The following LPIN3 variants were observed in gnomAD, a reference collection of about 807,000 sequenced individuals.
LPIN3 encodes phosphatidate phosphatase LPIN3.
Under a neutral mutation model 94.7 loss-of-function variants are expected in LPIN3, and 82 were observed. The observed-to-expected ratio is 0.87, with a 90% CI of 0.72 to 1.04. The LOEUF (loss-of-function observed/expected upper bound fraction) is 1.04, where lower values mean the gene tolerates loss of function less well. LPIN3 is among the 50% of genes least tolerant of loss of function. The probability of loss-of-function intolerance (pLI) is 0.00; values close to 1 mark genes in which losing one functional copy is unlikely to be tolerated. For synonymous variants in LPIN3, 418 were observed against 443.3 expected (o/e 0.94, Z 0.72); for missense variants, 996 against 1,090.5 (o/e 0.91, Z 1.22).
At chr20:41,351,430 G>A (rs62208471) in intron 7 of LPIN3, among the ~76,000 whole-genome samples, 2,473 of 151,132 alleles carry the variant, frequency 0.016, 33 homozygotes, top group Non-Finnish European at 0.025. Context: ...CTGAGTAGCT[G>A]GGACTACAGG....
chr20:41,352,631 T>G lies in LPIN3; in HGVS notation c.1389T>G (p.Ser463=). The change falls in exon 10 of 20, where the codon TCT becomes TCG. Residue 463 remains serine (S), a synonymous_variant. Coordinates refer to ENST00000373257, the MANE Select transcript of LPIN3 (RefSeq NM_022896.3). ...AGAAATTCAACCAGCACAGCGTCTCTTACCAGGACCTCACCAAAAACCCCG... is the reference window on the plus strand; with the variant it reads ...AGAAATTCAACCAGCACAGCGTCTCGTACCAGGACCTCACCAAAAACCCCG... The part of the protein sequence containing the change: ...SLEKFNQHSV[S]YQDLTKNPGL... The G allele has an allele frequency of 6.2e-7, 1 of 1,614,126 alleles. No individual in the cohort carries two copies. The highest frequency in any genetic ancestry group is 8.5e-7 in the Non-Finnish European group (1 of 1,179,986).
Position 41,357,974 on chromosome 20 carries a change from GT to G in LPIN3, c.2133del (p.Cys711Ter). 1 of 1,612,980 alleles carries G rather than the reference GT, an allele frequency of 6.2e-7. No individual in the cohort carries two copies. The highest frequency in any genetic ancestry group is 1.7e-4 in the Middle Eastern group (1 of 6,054). On this transcript the variant is annotated frameshift_variant, in exon 17 of 20. Transcript: ENST00000373257. LOFTEE classifies it high-confidence loss of function. ...CTGCAGTGGGTGAGCGAGGGGGGCTGTAGCCTCCCCAAGGGCCCCATCCTTC... is the reference window on the plus strand; with the variant it reads ...CTGCAGTGGGTGAGCGAGGGGGGCTGAGCCTCCCCAAGGGCCCCATCCTTC... ...GYLQWVSEGG[C>X]SLPKGPILLS...
intron 11 of LPIN3, among the ~76,000 whole-genome samples, 172 bp downstream of exon 11, chr20:41,353,039 C>A (rs2046084179): frequency 6.6e-6 from 1 of 152,242 alleles, no homozygotes; most frequent in African/African-American, 2.4e-5. Context: ...AGCCTTGCCT[C>A]ACCCTTCCCT....
chr20:41,346,748 TAAATAAATAAATAA>T (rs543280889), intron 2 of LPIN3, among the ~76,000 whole-genome samples: 47 of 152,100 alleles, frequency 3.1e-4, no homozygotes, highest in African/African-American at 1.1e-3. Flanking sequence ...TCTCAAAAAA[TAAATAAATAAATAA>T]AAATAAATAA....
At position 41,357,963 on chromosome 20, in the gene LPIN3, C is replaced by T. The variant is rs759511578; in HGVS notation, c.2121C>T (p.Ser707=). The stretch of plus-strand genomic sequence containing the variant: ...CCAAGGGGTACCTGCAGTGGGTGAG[C>T]GAGGGGGGCTGTAGCCTCCCCAAGG... The part of the protein sequence containing the change: ...DLTKGYLQWV[S]EGGCSLPKGP... The change falls in exon 17 of 20, where the codon AGC becomes AGT. Residue 707 remains serine (S), a synonymous_variant. Coordinates refer to ENST00000373257, the MANE Select transcript of LPIN3 (RefSeq NM_022896.3). 6.2e-7 allele frequency: 1 copy of T among 1,613,522 alleles called. No individual in the cohort carries two copies. Among genetic ancestry groups the T allele is most frequent in the East Asian group, 2.2e-5 (1 of 44,874 alleles).
Position 41,355,940 on chromosome 20 carries a change from G to A in LPIN3, c.1709G>A (p.Ser570Asn), listed in dbSNP as rs1450466506. 1 of 1,614,134 alleles carries A rather than the reference G, an allele frequency of 6.2e-7. No homozygotes were observed. Among genetic ancestry groups the A allele is most frequent in the Non-Finnish European group, 8.5e-7 (1 of 1,180,008 alleles). The change falls in exon 14 of 20, where the codon AGC (serine) becomes AAC (asparagine). Residue 570 changes from serine to asparagine, a missense_variant. Coordinates refer to ENST00000373257, the MANE Select transcript of LPIN3 (RefSeq NM_022896.3). ...AGCAGTGATGACGATGCCCCAGACAGCCCTGTGATCCTGGAGATCCCCTCC... is the reference window on the plus strand; with the variant it reads ...AGCAGTGATGACGATGCCCCAGACAACCCTGTGATCCTGGAGATCCCCTCC... ...VLSSDDDAPD[S>N]PVILEIPSLP... is the part of the protein sequence containing the mutation.
chr20:41,351,196 C>T (rs892917822), intron 7 of LPIN3, among the ~76,000 whole-genome samples: 3 of 151,254 alleles, frequency 2.0e-5, no homozygotes, highest in Non-Finnish European at 2.9e-5. Context: ...AAGGCTGCAG[C>T]GAGCTATGAT....
chr20:41,352,352 C>T, intron 9 of LPIN3, 132 bp downstream of exon 9: 1 of 1,077,156 alleles, frequency 9.3e-7, no homozygotes. Flanking sequence ...CTGCCCTGTG[C>T]AGTCCACACT....
At chr20:41,357,598 A>C (rs2046258507) in intron 16 of LPIN3, 151 bp downstream of exon 16, 2 of 748,928 alleles carry the variant, frequency 2.7e-6, no homozygotes, top group Admixed American at 2.7e-5. Flanking sequence ...ATTGGCCCGC[A>C]GTTCTGGGAA....
At chr20:41,347,469 C>A in intron 2 of LPIN3, 83 bp from the exon 3 acceptor site, 2 of 1,314,642 alleles carry the variant, frequency 1.5e-6, no homozygotes, top group South Asian at 1.2e-5. Flanking sequence ...CGGCAAGGAG[C>A]CACTGGAGGA....
intron 13 of LPIN3, 108 bp from the exon 14 acceptor site, chr20:41,355,788 G>T: frequency 7.0e-7 from 1 of 1,429,600 alleles, no homozygotes; most frequent in South Asian, 1.3e-5. Context: ...CTGATACCCT[G>T]GGTAGGCCCT....
chr20:41,349,921 CCCGG>C lies in LPIN3; in HGVS notation c.759+30_759+33del, dbSNP rs778951315. The C allele has an allele frequency of 6.9e-6, 11 of 1,598,236 alleles. No individual in the cohort carries two copies. In the East Asian group the frequency reaches 2.0e-4, roughly 29 times the overall value. On this transcript the variant is annotated intron_variant, in intron 6 of 19. Coordinates refer to ENST00000373257, the MANE Select transcript of LPIN3 (RefSeq NM_022896.3). The stretch of plus-strand genomic sequence containing the variant: ...TGAGTCCCTCTGTATCAACCCCAGG[CCCGG>C]CCTTTCAGGGGCTCTGTGGCCCCCA...
At position 41,345,984 on chromosome 20, in the gene LPIN3, C is replaced by T. The variant is rs41277016; in HGVS notation, c.181C>T (p.Arg61Trp). 0.023 allele frequency: 36,700 copies of T among 1,613,252 alleles called. 556 individuals carry two copies. The highest frequency in any genetic ancestry group is 0.048 in the African/African-American group (3,590 of 75,028). The change falls in exon 2 of 20, where the codon CGG (arginine) becomes TGG (tryptophan). Residue 61 changes from arginine (R) to tryptophan (W), a missense_variant. Transcript: ENST00000373257. ...TGGCAAGCTGGGCGTCCTGCGGTCG[C>T]GGGAGAAGGTGGTGAGTGCTCAGGC... ...RFGKLGVLRS[R>W]EKVVDIELNG...
Position 41,358,015 on chromosome 20 carries a change from C to T in LPIN3, c.2173C>T (p.Leu725Phe). The T allele has an allele frequency of 6.2e-7, 1 of 1,606,850 alleles. No individual in the cohort carries two copies. The highest frequency in any genetic ancestry group is 8.5e-7 in the Non-Finnish European group (1 of 1,176,762). Residue 725 changes from leucine (L) to phenylalanine (F), a missense_variant, in exon 17 of 20, where the codon CTC becomes TTC. Transcript: ENST00000373257. The part of the protein sequence containing the change: ...KGPILLSPSS[L>F]FSALHREVIE... ...CCCCATCCTTCTGTCTCCCAGCAGC[C>T]TCTTCTCTGCCCTCCACAGGTAACC...
chr20:41,357,208 G>A lies in LPIN3; in HGVS notation c.1952+20G>A, dbSNP rs780365080. On this transcript the variant is annotated intron_variant, in intron 15 of 19. Transcript: ENST00000373257. ...CACCAAGTGAGGCCCACCCAGCTGTGGGAAGGGGAGGGAGAGGGGTTGTGG... is the reference window on the plus strand; with the variant it reads ...CACCAAGTGAGGCCCACCCAGCTGTAGGAAGGGGAGGGAGAGGGGTTGTGG... 4 of 1,613,252 alleles carry A rather than the reference G, an allele frequency of 2.5e-6. No homozygotes were observed. Among genetic ancestry groups the A allele is most frequent in the Admixed American group, 1.7e-5 (1 of 60,018 alleles).
chr20:41,354,189 G>A (rs2046126164), intron 11 of LPIN3, among the ~76,000 whole-genome samples: 1 of 152,218 alleles, frequency 6.6e-6, no homozygotes, highest in Admixed American at 6.5e-5. Context: ...AGAAAAGGGG[G>A]TTGTTCATGG....
intron 7 of LPIN3, among the ~76,000 whole-genome samples, chr20:41,350,920 A>C (rs1219392314): frequency 6.6e-6 from 1 of 152,150 alleles, no homozygotes; most frequent in Admixed American, 6.5e-5. Flanking sequence ...GTGCTGTCCA[A>C]ATCAGTAGCC....
Position 41,350,338 on chromosome 20 carries a change from G to A in LPIN3, c.1043G>A (p.Trp348Ter). The change falls in exon 7 of 20, where the codon TGG becomes TAG. Residue 348 changes from tryptophan (W) to a stop codon, truncating the protein, a stop_gained. Transcript: ENST00000373257. LOFTEE classifies it high-confidence loss of function. Reference protein sequence around the residue: ...GLPPASKSWSWATLEVPVPTG... With the variant: ...GLPPASKSWS ...CCTCCTGCCTCCAAGTCATGGAGCT[G>A]GGCCACTCTGGAGGTTCCAGTTCCC... 1.2e-6 allele frequency: 2 copies of A among 1,606,986 alleles called. No homozygotes were observed. Among genetic ancestry groups the A allele is most frequent in the Non-Finnish European group, 1.7e-6 (2 of 1,175,096 alleles).
At chr20:41,354,571 G>A in intron 11 of LPIN3, 74 bp from the exon 12 acceptor site, 1 of 1,413,836 alleles carries the variant, frequency 7.1e-7, no homozygotes, top group Non-Finnish European at 9.5e-7. Context: ...ATGCGTGGAG[G>A]GTCCCAAGAA....
Sources: gnomAD v4.1 joint callset for allele counts (sites outside exome capture counted in the v4.1 genomes callset) on GRCh38, gnomAD v4.1.1 for gene constraint, MANE v1.5 for transcripts, NCBI Gene and HGNC (gene_info 2026-07-23, HGNC 2026-07-21) for gene names.